Variants in TDRD9 observed in about 807,000 individuals in gnomAD.
TDRD9 encodes ATP-dependent RNA helicase TDRD9.
TDRD9 carries 124 observed loss-of-function variants against 172.6 expected under a neutral mutation model. That is an observed-to-expected ratio of 0.72 (90% CI 0.62 to 0.83). The LOEUF (loss-of-function observed/expected upper bound fraction) is 0.83. Among genes scored for constraint, TDRD9 ranks in the 40% least tolerant of loss-of-function variants. TDRD9 has a pLI of 0.00. For synonymous variants in TDRD9, 619 were observed against 617.1 expected, an observed-to-expected ratio of 1.00 and a Z score of -0.05; for missense variants, 1,479 against 1,714.1, an observed-to-expected ratio of 0.86 and a Z score of 2.42.
intron 31 of TDRD9, among the ~76,000 whole-genome samples, 162 bp from the exon 32 acceptor site, chr14:104,034,796 CAG>C (rs890094612): frequency 7.2e-5 from 11 of 152,166 alleles, no homozygotes; most frequent in African/African-American, 2.7e-4. Flanking sequence ...ACTGTGGAAA[CAG>C]AGAACAGGGA....
intron 22 of TDRD9, 59 bp downstream of exon 22, chr14:104,016,147 C>A: frequency 1.7e-6 from 2 of 1,197,546 alleles, no homozygotes; most frequent in Non-Finnish European, 2.4e-6. Context: ...CATTTTTGTT[C>A]TCTAATTGTT....
At chr14:103,986,684 A>G (rs993095834) in intron 8 of TDRD9, among the ~76,000 whole-genome samples, 4 of 152,176 alleles carry the variant, frequency 2.6e-5, no homozygotes, top group Non-Finnish European at 4.4e-5. Flanking sequence ...GTTTTCATTT[A>G]CTATAAAGAC....
rs1053861780 is a variant in TDRD9 at position 103,982,093 on chromosome 14, G to A, written c.1012-4124G>A. ...CCCCTTTCTTCATGGAGCACCAGCC[G>A]CGCCTCCTGGGTTTCATGTCTCATC... On this transcript the variant is annotated intron_variant, in intron 7 of 35. Coordinates refer to ENST00000409874, the MANE Select transcript of TDRD9 (RefSeq NM_153046.3). Among the ~76,000 whole-genome samples the A allele has an allele frequency of 2.6e-5, 4 of 152,140 alleles. No individual in the cohort carries two copies. The East Asian group carries it at 5.8e-4, about 22-fold the overall frequency.
Position 104,006,783 on chromosome 14 carries a change from A to ATATTC in TDRD9, c.1945_1946insTATTC (p.Asn649IlefsTer5). ...AATGACACTGTTATCTGTTTATAGG[A>ATATTC]ACAAAGTGAATTTCTCTGGCAGTAG... is the stretch of plus-strand genomic sequence containing the variant. On this transcript the variant is annotated frameshift_variant and splice_region_variant, in exon 18 of 36. Transcript: ENST00000409874. LOFTEE classifies it high-confidence loss of function. 6.2e-7 allele frequency: 1 copy of ATATTC among 1,613,656 alleles called. No homozygotes were observed. Among genetic ancestry groups the ATATTC allele is most frequent in the Non-Finnish European group, 8.5e-7 (1 of 1,179,696 alleles).
At chr14:104,039,689 G>A (rs1052222103) in intron 32 of TDRD9, among the ~76,000 whole-genome samples, 1 of 152,208 alleles carries the variant, frequency 6.6e-6, no homozygotes, top group Admixed American at 6.5e-5. Context: ...GGACGTGCCA[G>A]TGGTCAGAGG....
intron 1 of TDRD9, among the ~76,000 whole-genome samples, chr14:103,939,557 G>T (rs891601284): frequency 6.6e-6 from 1 of 151,294 alleles, no homozygotes; most frequent in East Asian, 2.0e-4. Flanking sequence ...GACTGTGTTT[G>T]TCCTGTTAAA....
At chr14:104,035,115 C>A in intron 32 of TDRD9, 59 bp downstream of exon 32, 2 of 1,367,304 alleles carry the variant, frequency 1.5e-6, no homozygotes, top group Non-Finnish European at 2.0e-6. Context: ...CGGGAAAAAA[C>A]GGGTGCCTCT....
chr14:103,965,224 A>G, intron 3 of TDRD9, 109 bp from the exon 4 acceptor site: 1 of 1,209,924 alleles, frequency 8.3e-7, no homozygotes, highest in Non-Finnish European at 1.2e-6. Context: ...ACAAAACAAA[A>G]CAAAACTTTA....
At chr14:103,941,005 CCTCTGTCAGAGCTG>C in intron 1 of TDRD9, 1 of 1,535,350 alleles carries the variant, frequency 6.5e-7, no homozygotes, top group Non-Finnish European at 8.7e-7. Flanking sequence ...TTGCTCACTC[CCTCTGTCAGAGCTG>C]CTTAGGAAGT....
intron 20 of TDRD9, among the ~76,000 whole-genome samples, chr14:104,010,778 A>G (rs553413617): frequency 1.3e-5 from 2 of 152,274 alleles, no homozygotes; most frequent in East Asian, 3.9e-4. Context: ...ACGAATACTC[A>G]AGTCTTACAG....
At position 103,928,517 on chromosome 14, in the gene TDRD9, G is replaced by A. The variant is rs1384652213; in HGVS notation, c.8G>A (p.Arg3Gln). The A allele has an allele frequency of 1.4e-6, 2 of 1,425,108 alleles. No homozygotes were observed. The highest frequency in any genetic ancestry group is 1.9e-6 in the Non-Finnish European group (2 of 1,079,092). The allele number at this position is 1,425,108 out of a possible 1,614,324, so 88.3% of individuals were successfully genotyped here. ML[R>Q]KLTIEQINDW... Reference sequence around the variant, plus strand: ...GACGCCTGGGCCTTGAGGATGCTGCGGAAGCTCACCATCGAGCAGATCAAC... The same window carrying A: ...GACGCCTGGGCCTTGAGGATGCTGCAGAAGCTCACCATCGAGCAGATCAAC... Residue 3 changes from arginine to glutamine, a missense_variant, in exon 1 of 36, where the codon CGG becomes CAG. Arg to Gln is a conservative substitution (Grantham distance 43). This residue lies in a region of TDRD9 where 63 missense variants were observed against 48.4 expected (regional missense o/e 1.30). Transcript: ENST00000409874.
chr14:104,014,957 T>C (rs1470238660), intron 21 of TDRD9, 116 bp downstream of exon 21: 3 of 594,960 alleles, frequency 5.0e-6, no homozygotes, highest in Admixed American at 3.0e-5. Flanking sequence ...AAAGGAGATT[T>C]TAGGTCCATA....
chr14:104,021,379 A>G (rs527868608), intron 23 of TDRD9, among the ~76,000 whole-genome samples: 2 of 152,284 alleles, frequency 1.3e-5, no homozygotes, highest in Admixed American at 6.5e-5. Flanking sequence ...TCACTTGGCA[A>G]TCAATTTATA....
At position 103,998,790 on chromosome 14, in the gene TDRD9, G is replaced by C. The variant is rs2034149625; in HGVS notation, c.1483+62G>C. The C allele has an allele frequency of 6.2e-5, 51 of 824,140 alleles. No homozygotes were observed. The South Asian group carries it at 8.2e-4, about 13-fold the overall frequency. 51.1% of individuals were successfully genotyped at this position (824,140 alleles called of 1,614,324 possible). ...TGGTGACACAGTGGCACATTCAGGT[G>C]CTTTTTTTTTTTTTTTCTCTGAGAC... On this transcript the variant is annotated intron_variant, in intron 13 of 35. Transcript: ENST00000409874.
At position 104,034,018 on chromosome 14, in the gene TDRD9, G is replaced by T. The variant is rs867547704; in HGVS notation, c.3568G>T (p.Asp1190Tyr). Residue 1190 changes from aspartate to tyrosine, a missense_variant, in exon 31 of 36, where the codon GAC becomes TAC. By Grantham distance (160) the Asp-to-Tyr change is radical. Coordinates refer to ENST00000409874, the MANE Select transcript of TDRD9 (RefSeq NM_153046.3). ...NSVIISDAPEDLHQRMLVAAS... is the reference protein window; with the variant it reads ...NSVIISDAPEYLHQRMLVAAS... Reference sequence around the variant, plus strand: ...TGTCATTATCAGTGACGCCCCTGAAGACCTTCACCAGAGAATGCTGGTTGC... The same window carrying T: ...TGTCATTATCAGTGACGCCCCTGAATACCTTCACCAGAGAATGCTGGTTGC... 6.4e-7 allele frequency: 1 copy of T among 1,551,518 alleles called. No homozygotes were observed. Among genetic ancestry groups the T allele is most frequent in the Admixed American group, 2.0e-5 (1 of 50,964 alleles).
At chr14:103,982,091 C>T (rs1469739835) in intron 7 of TDRD9, among the ~76,000 whole-genome samples, 1 of 152,174 alleles carries the variant, frequency 6.6e-6, no homozygotes, top group Non-Finnish European at 1.5e-5. Context: ...GGAGCACCAG[C>T]CGCGCCTCCT....
intron 3 of TDRD9, among the ~76,000 whole-genome samples, chr14:103,963,733 A>T (rs1490185103): frequency 6.6e-6 from 1 of 152,222 alleles, no homozygotes; most frequent in Non-Finnish European, 1.5e-5. Context: ...CGGAACCTTT[A>T]TTAACTGGAA....
At chr14:104,034,594 A>G (rs2035393641) in intron 31 of TDRD9, among the ~76,000 whole-genome samples, 1 of 152,214 alleles carries the variant, frequency 6.6e-6, no homozygotes, top group Non-Finnish European at 1.5e-5. Flanking sequence ...GGGAAGTATT[A>G]ATAATTGACT....
chr14:103,979,633 G>A (rs1047172798), intron 7 of TDRD9, among the ~76,000 whole-genome samples: 1 of 152,144 alleles, frequency 6.6e-6, no homozygotes, highest in Non-Finnish European at 1.5e-5. Context: ...CTGCTATTAG[G>A]CCCCACCTCC....
Sources: allele counts gnomAD v4.1 joint callset (sites outside exome capture counted in the v4.1 genomes callset), GRCh38; gene constraint gnomAD v4.1.1; regional missense constraint gnomAD v4.1.1; transcripts MANE v1.5; gene names NCBI Gene and HGNC (gene_info 2026-07-23, HGNC 2026-07-21).